MEIS2: variants seen among roughly 807,000 people sequenced by gnomAD.
The protein encoded by MEIS2 is homeobox protein Meis2.
A neutral mutation model predicts 58.6 loss-of-function variants in MEIS2; 9 were observed. The ratio of observed to expected loss-of-function variants is 0.15; its 90% CI spans 0.09 to 0.27. The LOEUF is 0.27. Ranked by LOEUF, MEIS2 falls within the 10% of genes least tolerant of loss-of-function variation. MEIS2 has a pLI of 1.00. For synonymous variants in MEIS2, 221 were observed against 228.4 expected, an observed-to-expected ratio of 0.97 and a Z score of 0.29; for missense variants, 427 against 635.0, an observed-to-expected ratio of 0.67 and a Z score of 3.52.
chr15:36,891,497 T>C lies in MEIS2; in HGVS notation c.*676A>G, dbSNP rs891915640. The C allele has an allele frequency of 6.5e-6, 1 of 152,744 alleles. No individual in the cohort carries two copies. Among genetic ancestry groups the C allele is most frequent in the African/African-American group, 2.4e-5 (1 of 41,448 alleles). 9.5% of individuals were successfully genotyped at this position (152,744 alleles called of 1,614,324 possible). A position where few individuals can be genotyped will look rare whatever the true frequency, so the allele number is the denominator to read the frequency against. ...ACTCCTGGAAGAAGCTCCTGCTCTG[T>C]CTTTAAATCTTCATTGGCAAGCTCT... On this transcript the variant is annotated 3_prime_UTR_variant, in exon 12 of 12. Transcript: ENST00000561208.
chr15:36,972,201 A>T (rs373258843), intron 8 of MEIS2, among the ~76,000 whole-genome samples: 4 of 152,328 alleles, frequency 2.6e-5, no homozygotes, highest in East Asian at 1.9e-4. Context: ...GCACAAAAGT[A>T]AGTTATGATA....
At chr15:36,965,092 T>G (rs548872125) in intron 8 of MEIS2, among the ~76,000 whole-genome samples, 5 of 152,306 alleles carry the variant, frequency 3.3e-5, no homozygotes, top group African/African-American at 1.2e-4. Flanking sequence ...ATGCAAGAAC[T>G]TAAGCTTCGA....
At chr15:36,933,127 TG>T (rs756261764) in intron 9 of MEIS2, among the ~76,000 whole-genome samples, 2 of 152,022 alleles carry the variant, frequency 1.3e-5, no homozygotes, top group Non-Finnish European at 2.9e-5. Context: ...TACTCCAGAG[TG>T]AGTCTCAAAG....
At chr15:37,067,216 A>C (rs1890069953) in intron 7 of MEIS2, among the ~76,000 whole-genome samples, 1 of 151,460 alleles carries the variant, frequency 6.6e-6, no homozygotes, top group Admixed American at 6.6e-5. Context: ...CAGCCTCCCA[A>C]GCAGCTGTGA....
At chr15:36,943,253 A>C (rs2058437519) in intron 9 of MEIS2, among the ~76,000 whole-genome samples, 1 of 152,140 alleles carries the variant, frequency 6.6e-6, no homozygotes. Flanking sequence ...TTACTTTGAG[A>C]AACCATGTAG....
intron 8 of MEIS2, among the ~76,000 whole-genome samples, chr15:36,998,905 A>G (rs931373340): frequency 5.3e-5 from 8 of 152,206 alleles, no homozygotes; most frequent in Non-Finnish European, 1.0e-4. Context: ...GGCTGAAACC[A>G]AGATTCAAAT....
chr15:37,089,912 T>C (rs1423336436), intron 6 of MEIS2, among the ~76,000 whole-genome samples: 1 of 152,136 alleles, frequency 6.6e-6, no homozygotes, highest in Non-Finnish European at 1.5e-5. Context: ...GTAAAATAGA[T>C]AATGTGAGTA....
intron 7 of MEIS2, among the ~76,000 whole-genome samples, chr15:37,079,490 T>C (rs1251122720): frequency 6.6e-6 from 1 of 151,828 alleles, no homozygotes; most frequent in African/African-American, 2.4e-5. Flanking sequence ...CCACAGTAAG[T>C]GGGTTTGAAG....
At chr15:36,915,448 G>A (rs1009637939) in intron 9 of MEIS2, among the ~76,000 whole-genome samples, 1 of 152,092 alleles carries the variant, frequency 6.6e-6, no homozygotes, top group Non-Finnish European at 1.5e-5. Context: ...CAGTGTTTGG[G>A]AAACACTGAT....
At chr15:37,008,583 TTAGA>T (rs1271920331) in intron 8 of MEIS2, among the ~76,000 whole-genome samples, 3 of 152,250 alleles carry the variant, frequency 2.0e-5, no homozygotes, top group South Asian at 2.1e-4. Context: ...AGTGGGATCT[TTAGA>T]TAAAGACTTT....
At chr15:36,899,694 A>G (rs1404560937) in intron 9 of MEIS2, among the ~76,000 whole-genome samples, 1 of 152,194 alleles carries the variant, frequency 6.6e-6, no homozygotes, top group African/African-American at 2.4e-5. Context: ...TTCAGGCTCC[A>G]TTCATATGGA....
At chr15:37,056,429 C>T (rs1596029998) in intron 7 of MEIS2, among the ~76,000 whole-genome samples, 1 of 152,126 alleles carries the variant, frequency 6.6e-6, no homozygotes, top group Non-Finnish European at 1.5e-5. Flanking sequence ...GCAAAGAGGG[C>T]TAACATTCAA....
At chr15:36,992,489 T>C (rs919843908) in intron 8 of MEIS2, among the ~76,000 whole-genome samples, 5 of 152,138 alleles carry the variant, frequency 3.3e-5, no homozygotes, top group Non-Finnish European at 5.9e-5. Flanking sequence ...TTGAAAGAAA[T>C]AATAAAATTA....
chr15:37,076,172 A>T (rs1308748224), intron 7 of MEIS2, among the ~76,000 whole-genome samples: 1 of 152,032 alleles, frequency 6.6e-6, no homozygotes, highest in Non-Finnish European at 1.5e-5. Flanking sequence ...TGTGAAAATA[A>T]AAAGTGATTC....
intron 7 of MEIS2, among the ~76,000 whole-genome samples, chr15:37,063,616 A>G (rs1360755504): frequency 1.3e-5 from 2 of 152,158 alleles, no homozygotes; most frequent in Non-Finnish European, 2.9e-5. Flanking sequence ...TAATCTTGCT[A>G]TTGCTGCCAT....
chr15:36,979,792 C>T (rs2059874241), intron 8 of MEIS2, among the ~76,000 whole-genome samples: 1 of 145,356 alleles, frequency 6.9e-6, no homozygotes, highest in African/African-American at 2.5e-5. Context: ...ATATAAAAAC[C>T]CCATACAATA....
At chr15:37,073,423 G>A (rs1378728203) in intron 7 of MEIS2, among the ~76,000 whole-genome samples, 3 of 151,862 alleles carry the variant, frequency 2.0e-5, no homozygotes, top group South Asian at 4.2e-4. Flanking sequence ...CACACATCTT[G>A]GGAGAAGGTA....
chr15:37,072,695 T>C (rs1375586416), intron 7 of MEIS2, among the ~76,000 whole-genome samples: 2 of 152,172 alleles, frequency 1.3e-5, no homozygotes, highest in Admixed American at 6.6e-5. Context: ...TTTTGTATTA[T>C]ACTTTAAGTT....
chr15:36,998,822 C>T (rs2060622460), intron 8 of MEIS2, among the ~76,000 whole-genome samples: 1 of 152,130 alleles, frequency 6.6e-6, no homozygotes, highest in African/African-American at 2.4e-5. Context: ...GGTAGAGATT[C>T]CCCTCCTAAC....
Sources: gnomAD v4.1 joint callset for allele counts (sites outside exome capture counted in the v4.1 genomes callset) on GRCh38, gnomAD v4.1.1 for gene constraint, MANE v1.5 for transcripts, NCBI Gene and HGNC (gene_info 2026-07-23, HGNC 2026-07-21) for gene names.